CTNNA3: variants seen among roughly 807,000 people sequenced by gnomAD.
CTNNA3 encodes the protein catenin alpha 3.
Under a neutral mutation model 95.7 loss-of-function variants are expected in CTNNA3, and 76 were observed. The ratio of observed to expected loss-of-function variants is 0.79; its 90% CI spans 0.66 to 0.96. CTNNA3 has a LOEUF of 0.96. Ranked by LOEUF, CTNNA3 falls within the 40% of genes least tolerant of loss-of-function variation. CTNNA3 has a pLI of 0.00. For missense variants in CTNNA3, 1,191 were observed against 1,089.8 expected (o/e 1.09, Z -1.31); for synonymous variants, 431 against 374.4 (o/e 1.15, Z -1.74).
At chr10:66,144,100 T>G (rs1469030672) in intron 13 of CTNNA3, among the ~76,000 whole-genome samples, 1 of 152,230 alleles carries the variant, frequency 6.6e-6, no homozygotes, top group Admixed American at 6.5e-5. Context: ...ATTTCGTGAC[T>G]TCACTGCATT....
At position 67,607,089 on chromosome 10, in the gene CTNNA3, G is replaced by GT. The variant is rs142717014; in HGVS notation, c.100-41dup. The stretch of plus-strand genomic sequence containing the variant: ...ATACAAAGTACTAAATTGACAAATT[G>GT]TAAGGAGAACACAGTCCTGGGATAT... On this transcript the variant is annotated intron_variant, in intron 2 of 17. Coordinates refer to ENST00000433211, the MANE Select transcript of CTNNA3 (RefSeq NM_013266.4). 5,419 of 1,472,184 alleles carry GT rather than the reference G, an allele frequency of 3.7e-3. 173 individuals are homozygous for GT. In the African/African-American group the frequency reaches 0.067, roughly 18 times the overall value. The allele number at this position is 1,472,184 out of a possible 1,614,324, so 91.2% of individuals were successfully genotyped here. A position where few individuals can be genotyped will look rare whatever the true frequency, so the allele number is the denominator to read the frequency against.
intron 1 of CTNNA3, among the ~76,000 whole-genome samples, chr10:67,668,339 A>AT (rs764791887): frequency 1.3e-5 from 2 of 152,126 alleles, no homozygotes; most frequent in African/African-American, 2.4e-5. Flanking sequence ...TATATAGGCA[A>AT]TAGTCCCCCC....
At chr10:67,186,161 T>C (rs577650109) in intron 6 of CTNNA3, among the ~76,000 whole-genome samples, 3 of 152,202 alleles carry the variant, frequency 2.0e-5, no homozygotes, top group South Asian at 2.1e-4. Flanking sequence ...GAAGATGTGA[T>C]AGAAACAGTG....
intron 7 of CTNNA3, among the ~76,000 whole-genome samples, chr10:67,051,521 G>C (rs1422757007): frequency 3.4e-5 from 5 of 148,320 alleles, no homozygotes; most frequent in African/African-American, 1.2e-4. Context: ...GTGCAGTGGT[G>C]CAATCTCGGC....
intron 10 of CTNNA3, among the ~76,000 whole-genome samples, chr10:66,592,047 G>C (rs1843569536): frequency 6.8e-6 from 1 of 148,092 alleles, no homozygotes; most frequent in Non-Finnish European, 1.5e-5. Flanking sequence ...AGACTTTATA[G>C]TTATTGCTGT....
intron 1 of CTNNA3, among the ~76,000 whole-genome samples, chr10:67,653,433 G>T (rs934794766): frequency 2.6e-5 from 4 of 151,998 alleles, no homozygotes; most frequent in Non-Finnish European, 5.9e-5. Context: ...TTTCAAATTT[G>T]TACCCCTACA....
At chr10:66,940,955 A>T (rs1397750820) in intron 7 of CTNNA3, among the ~76,000 whole-genome samples, 1 of 152,236 alleles carries the variant, frequency 6.6e-6, no homozygotes, top group Non-Finnish European at 1.5e-5. Flanking sequence ...GTTGTAAAAA[A>T]ATGCAACTGA....
chr10:67,595,250 G>A (rs1052812118), intron 3 of CTNNA3, among the ~76,000 whole-genome samples: 1 of 152,136 alleles, frequency 6.6e-6, no homozygotes, highest in African/African-American at 2.4e-5. Flanking sequence ...AGAGCCTTCT[G>A]CCTTTTTGAT....
intron 5 of CTNNA3, among the ~76,000 whole-genome samples, chr10:67,481,386 C>G (rs1466143273): frequency 1.3e-5 from 2 of 152,114 alleles, no homozygotes; most frequent in Non-Finnish European, 2.9e-5. Flanking sequence ...ACCCTAAAGA[C>G]TCTATCTAAA....
At chr10:66,594,707 A>G (rs1843655124) in intron 10 of CTNNA3, among the ~76,000 whole-genome samples, 1 of 152,068 alleles carries the variant, frequency 6.6e-6, no homozygotes, top group Non-Finnish European at 1.5e-5. Context: ...TCTATTTCAT[A>G]ATTTATCTGA....
rs142327540 is a variant in CTNNA3, at chr10:66,267,244, C to T, written c.1884+13226G>A. 5.9e-5 allele frequency among the ~76,000 whole-genome samples: 9 copies of T among 152,156 alleles called. No homozygotes were observed. In the East Asian group the frequency reaches 7.8e-4, roughly 13 times the overall value. On this transcript the variant is annotated intron_variant, in intron 13 of 17. Transcript: ENST00000433211. ...AATTTTAACTCTGCTTATGTTTCTA[C>T]TCCTCCTCCACCTGTACACTGGCGT...
intron 11 of CTNNA3, among the ~76,000 whole-genome samples, chr10:66,514,738 G>T (rs542166318): frequency 2.0e-5 from 3 of 152,148 alleles, no homozygotes; most frequent in South Asian, 4.2e-4. Context: ...ATAAAAGAAA[G>T]GTTGTATTTT....
At chr10:66,635,270 G>A (rs938921224) in intron 9 of CTNNA3, among the ~76,000 whole-genome samples, 1 of 152,062 alleles carries the variant, frequency 6.6e-6, no homozygotes, top group Admixed American at 6.6e-5. Flanking sequence ...ATAAATTAAA[G>A]ACAGGATTAA....
chr10:67,441,687 T>C (rs926879383), intron 5 of CTNNA3, among the ~76,000 whole-genome samples: 1 of 152,154 alleles, frequency 6.6e-6, no homozygotes, highest in Admixed American at 6.5e-5. Flanking sequence ...AAAAAACTTT[T>C]ATTCTAGAAT....
intron 13 of CTNNA3, among the ~76,000 whole-genome samples, chr10:66,133,653 G>A (rs2083227760): frequency 6.6e-6 from 1 of 151,346 alleles, no homozygotes; most frequent in Non-Finnish European, 1.5e-5. Context: ...TATACACTAG[G>A]TGATCTGAAA....
intron 11 of CTNNA3, among the ~76,000 whole-genome samples, chr10:66,516,729 G>A (rs1194300214): frequency 6.6e-6 from 1 of 152,184 alleles, no homozygotes; most frequent in Non-Finnish European, 1.5e-5. Context: ...AAGATTGAGA[G>A]AGGAACCAAG....
chr10:65,934,014 C>G (rs954887992), intron 17 of CTNNA3, among the ~76,000 whole-genome samples: 2 of 152,044 alleles, frequency 1.3e-5, no homozygotes, highest in Non-Finnish European at 2.9e-5. Context: ...TTTAGAGCTG[C>G]TGTATCCATA....
At chr10:66,213,198 C>T (rs536021578) in intron 13 of CTNNA3, among the ~76,000 whole-genome samples, 1 of 152,022 alleles carries the variant, frequency 6.6e-6, no homozygotes, top group African/African-American at 2.4e-5. Flanking sequence ...CTACTTATAA[C>T]TTCATAGGAT....
At chr10:67,741,200 C>T (rs1178123201) in intron 1 of CTNNA3, among the ~76,000 whole-genome samples, 2 of 150,546 alleles carry the variant, frequency 1.3e-5, no homozygotes, top group Non-Finnish European at 3.0e-5. Flanking sequence ...GGGAGATATA[C>T]CTAATGCTAG....
Sources: gnomAD v4.1 joint callset for allele counts (sites outside exome capture counted in the v4.1 genomes callset) on GRCh38, gnomAD v4.1.1 for gene constraint, MANE v1.5 for transcripts, NCBI Gene and HGNC (gene_info 2026-07-23, HGNC 2026-07-21) for gene names.